Variants in GEN1 observed in about 807,000 individuals in gnomAD.
GEN1 encodes GEN1 structure-specific endonuclease.
GEN1 carries 64 observed loss-of-function variants against 67.6 expected under a neutral mutation model. The observed-to-expected ratio is 0.95, with a 90% CI of 0.77 to 1.17. The LOEUF is 1.17. GEN1 is among the 50% of genes most tolerant of loss of function. The probability of loss-of-function intolerance (pLI) is 0.00; values close to 1 mark genes in which losing one functional copy is unlikely to be tolerated. For missense variants in GEN1, 1,058 were observed against 1,048.3 expected (o/e 1.01, Z -0.13); for synonymous variants, 371 against 359.4 (o/e 1.03, Z -0.37).
At chr2:17,754,372 G>C (rs1262013654) in intron 1 of GEN1, 27 bp downstream of exon 1, 1 of 152,190 alleles carries the variant, frequency 6.6e-6, no homozygotes, top group East Asian at 1.9e-4. Flanking sequence ...GTGGAGAGAC[G>C]GCGCCGCCCG....
intron 13 of GEN1, 48 bp from the exon 14 acceptor site, chr2:17,780,573 A>T: frequency 8.0e-7 from 1 of 1,252,290 alleles, no homozygotes; most frequent in East Asian, 2.4e-5. Flanking sequence ...TACCCAAGTT[A>T]AAGCAAAGAA....
intron 3 of GEN1, among the ~76,000 whole-genome samples, chr2:17,762,559 A>G (rs773589290): frequency 1.3e-5 from 2 of 152,072 alleles, no homozygotes; most frequent in Non-Finnish European, 2.9e-5. Context: ...AGTAGTACAC[A>G]TGATTTTTAA....
intron 4 of GEN1, chr2:17,765,290 A>G (rs961806427): frequency 6.0e-6 from 3 of 503,476 alleles, no homozygotes; most frequent in South Asian, 2.6e-5. Flanking sequence ...TTTGTTTCAC[A>G]TGGTTTGATT....
At chr2:17,765,922 A>C (rs1259132779) in intron 4 of GEN1, among the ~76,000 whole-genome samples, 1 of 150,228 alleles carries the variant, frequency 6.7e-6, no homozygotes, top group African/African-American at 2.4e-5. Flanking sequence ...CAGGCAGTGC[A>C]GTTACGGGGA....
intron 13 of GEN1, 69 bp downstream of exon 13, chr2:17,780,190 GA>G (rs1437666028): frequency 8.3e-7 from 1 of 1,211,066 alleles, no homozygotes; most frequent in Non-Finnish European, 1.2e-6. Flanking sequence ...TCTTCTGTTT[GA>G]ATCTGCTGTG....
In GEN1 at chr2:17,786,609, C is replaced by T. The variant is rs1259744461; in HGVS notation, c.*4670C>T. 1 of 152,208 alleles carries T rather than the reference C, an allele frequency of 6.6e-6. No homozygotes were observed. The highest frequency in any genetic ancestry group is 1.5e-5 in the Non-Finnish European group (1 of 68,040). 9.4% of individuals were successfully genotyped at this position (152,208 alleles called of 1,614,324 possible). A position where few individuals can be genotyped will look rare whatever the true frequency, so the allele number is the denominator to read the frequency against. On this transcript the variant is annotated 3_prime_UTR_variant, in exon 14 of 14. Transcript: ENST00000381254. ...GAAAAAGTTAAAGCTGGGACTAGAA[C>T]TCAGATCTCCTAATTCATGAGTGAA...
chr2:17,765,861 C>G (rs562793002), intron 4 of GEN1, among the ~76,000 whole-genome samples: 2 of 152,022 alleles, frequency 1.3e-5, no homozygotes, highest in South Asian at 4.1e-4. Context: ...ATATATGTAT[C>G]AAAGGAGATG....
chr2:17,777,329 G>C (rs1453715685), intron 11 of GEN1, among the ~76,000 whole-genome samples: 1 of 152,104 alleles, frequency 6.6e-6, no homozygotes, highest in African/African-American at 2.4e-5. Flanking sequence ...AATACATGAT[G>C]ATGATGATGA....
chr2:17,778,257 C>CAT lies in GEN1; in HGVS notation c.1264+197_1264+198dup, dbSNP rs1553331191. ...ATGTGTGTACATATATGTATACACA[C>CAT]ATATGTGTGTACATATATGTATATA... On this transcript the variant is annotated intron_variant, in intron 12 of 13. Coordinates refer to ENST00000381254, the MANE Select transcript of GEN1 (RefSeq NM_001130009.3). 1.3e-3 allele frequency among the ~76,000 whole-genome samples: 49 copies of CAT among 38,654 alleles called. 1 individual carries two copies. Among genetic ancestry groups the CAT allele is most frequent in the East Asian group, 5.1e-3 (1 of 196 alleles). 25.4% of individuals were successfully genotyped at this position (38,654 alleles called of 152,430 possible). A position where few individuals can be genotyped will look rare whatever the true frequency, so the allele number is the denominator to read the frequency against.
At position 17,764,928 on chromosome 2, in the gene GEN1, C is replaced by T. The variant is rs755076488; in HGVS notation, c.380C>T (p.Pro127Leu). The change falls in exon 4 of 14, where the codon CCC becomes CTC. Residue 127 changes from proline to leucine, a missense_variant. Physicochemically the swap from Pro to Leu is moderately conservative, Grantham distance 98. Transcript: ENST00000381254. ...CATATGCTCGAATGCTTAGGAATCC[C>T]CTGGGTTCAGGCTGCTGGGGAAGCT... The part of the protein sequence containing the change: ...CLHMLECLGI[P>L]WVQAAGEAEA... The T allele has an allele frequency of 1.2e-6, 2 of 1,614,018 alleles. No individual in the cohort carries two copies. Among genetic ancestry groups the T allele is most frequent in the South Asian group, 2.2e-5 (2 of 91,072 alleles).
At chr2:17,759,078 T>C (rs1671555774) in intron 1 of GEN1, among the ~76,000 whole-genome samples, 1 of 152,256 alleles carries the variant, frequency 6.6e-6, no homozygotes, top group Admixed American at 6.5e-5. Context: ...TGATAGTCTT[T>C]TGACTTAATA....
At position 17,781,143 on chromosome 2, in the gene GEN1, A is replaced by G. The variant is rs745384687; in HGVS notation, c.1931A>G (p.Lys644Arg). 2 of 1,613,786 alleles carry G rather than the reference A, an allele frequency of 1.2e-6. No homozygotes were observed. The highest frequency in any genetic ancestry group is 1.7e-6 in the Non-Finnish European group (2 of 1,179,724). ...TCAGAAAGGTACACTGCAAACATAA[A>G]GAAAGTGTTGGATGAGGATTCTGAT... is the stretch of plus-strand genomic sequence containing the variant. ...CESERYTANI[K>R]KVLDEDSDGI... The change falls in exon 14 of 14, where the codon AAG becomes AGG. Residue 644 changes from lysine to arginine, a missense_variant. Coordinates refer to ENST00000381254, the MANE Select transcript of GEN1 (RefSeq NM_001130009.3).
intron 1 of GEN1, 56 bp from the exon 2 acceptor site, chr2:17,759,873 T>C: frequency 1.4e-6 from 2 of 1,437,672 alleles, no homozygotes; most frequent in Non-Finnish European, 1.9e-6. Context: ...TTTGAATTCC[T>C]GTTATGAGCT....
rs528082198 is a variant in GEN1 at position 17,782,551 on chromosome 2, A to G, written c.*612A>G. 15 of 152,368 alleles carry G rather than the reference A, an allele frequency of 9.8e-5. No individual in the cohort carries two copies. The highest frequency in any genetic ancestry group is 3.6e-4 in the African/African-American group (15 of 41,596). The allele number at this position is 152,368 out of a possible 1,614,324, so 9.4% of individuals were successfully genotyped here. On this transcript the variant is annotated 3_prime_UTR_variant, in exon 14 of 14. Coordinates refer to ENST00000381254, the MANE Select transcript of GEN1 (RefSeq NM_001130009.3). Reference sequence around the variant, plus strand: ...CTCTTTTGAGGGGCAAAAATAGAAAAGGAGAGAAGATGTCAGTATGTTTAG... The same window carrying G: ...CTCTTTTGAGGGGCAAAAATAGAAAGGGAGAGAAGATGTCAGTATGTTTAG...
At position 17,784,311 on chromosome 2, in the gene GEN1, A is replaced by G. The variant is rs1010910285; in HGVS notation, c.*2372A>G. 2 of 152,166 alleles carry G rather than the reference A, an allele frequency of 1.3e-5. No homozygotes were observed. Among genetic ancestry groups the G allele is most frequent in the Admixed American group, 6.5e-5 (1 of 15,282 alleles). The allele number at this position is 152,166 out of a possible 1,614,324, so 9.4% of individuals were successfully genotyped here. On this transcript the variant is annotated 3_prime_UTR_variant, in exon 14 of 14. Coordinates refer to ENST00000381254, the MANE Select transcript of GEN1 (RefSeq NM_001130009.3). ...AATGTCTACAATCAAAAAGATAATA[A>G]CTAGTATTGATGAGGATGTGGAGAA...
intron 12 of GEN1, 136 bp downstream of exon 12, chr2:17,778,199 T>TATGTGTATATATATATACACACACAC (rs1672554645): frequency 5.0e-5 from 6 of 120,842 alleles, no homozygotes; most frequent in Admixed American, 1.3e-4. Context: ...CACACACACA[T>TATGTGTATATATATATACACACACAC]ATATGTGTAT....
Position 17,781,855 on chromosome 2 carries a change from TAAG to T in GEN1, c.2646_2648del (p.Lys883del). 6.2e-7 allele frequency: 1 copy of T among 1,602,328 alleles called. No homozygotes were observed. Among genetic ancestry groups the T allele is most frequent in the South Asian group, 1.1e-5 (1 of 88,462 alleles). On this transcript the variant is annotated inframe_deletion, in exon 14 of 14. Coordinates refer to ENST00000381254, the MANE Select transcript of GEN1 (RefSeq NM_001130009.3). ...GTTCTCTGAGTTCTCTACAATGTCATAAGAAAGAAAACAACTCTGGTACTTGTT... is the reference window on the plus strand; with the variant it reads ...GTTCTCTGAGTTCTCTACAATGTCATAAAGAAAACAACTCTGGTACTTGTT...
chr2:17,766,269 G>A (rs1671926979), intron 4 of GEN1, among the ~76,000 whole-genome samples: 1 of 152,166 alleles, frequency 6.6e-6, no homozygotes, highest in Non-Finnish European at 1.5e-5. Flanking sequence ...CTGGCTTCAA[G>A]TAATTCTTGT....
intron 3 of GEN1, among the ~76,000 whole-genome samples, chr2:17,764,336 A>G (rs1475646015): frequency 1.3e-5 from 2 of 152,226 alleles, no homozygotes; most frequent in African/African-American, 2.4e-5. Context: ...GTTGACCATC[A>G]TGTGAGAAAA....
Sources: allele counts gnomAD v4.1 joint callset (sites outside exome capture counted in the v4.1 genomes callset), GRCh38; gene constraint gnomAD v4.1.1; transcripts MANE v1.5; gene names NCBI Gene and HGNC (gene_info 2026-07-23, HGNC 2026-07-21).